Variants in ZFAT observed in about 807,000 individuals in gnomAD.
ZFAT encodes zinc finger protein ZFAT.
ZFAT carries 64 observed loss-of-function variants against 117.7 expected under a neutral mutation model. That is an observed-to-expected ratio of 0.54 (90% CI 0.44 to 0.67). The LOEUF (loss-of-function observed/expected upper bound fraction) is 0.67, where lower values mean the gene tolerates loss of function less well. ZFAT is among the 30% of genes least tolerant of loss of function. The probability of loss-of-function intolerance (pLI) is 0.00; values close to 1 mark genes in which losing one functional copy is unlikely to be tolerated. For missense variants in ZFAT, 1,433 were observed against 1,584.5 expected, an observed-to-expected ratio of 0.90 and a Z score of 1.62; for synonymous variants, 679 against 615.0, an observed-to-expected ratio of 1.10 and a Z score of -1.54.
chr8:134,634,604 C>A (rs912575911), intron 3 of ZFAT, among the ~76,000 whole-genome samples: 1 of 151,952 alleles, frequency 6.6e-6, no homozygotes, highest in African/African-American at 2.4e-5. Flanking sequence ...CACACACACA[C>A]ATTTAGGAAT....
chr8:134,563,692 A>G (rs1299398223), intron 11 of ZFAT, among the ~76,000 whole-genome samples: 1 of 152,230 alleles, frequency 6.6e-6, no homozygotes. Context: ...GACGGAAGAT[A>G]ATATGTACCA....
At position 134,595,589 on chromosome 8, in the gene ZFAT, G is replaced by C. The variant is rs535416433; in HGVS notation, c.2475+4847C>G. On this transcript the variant is annotated intron_variant, in intron 7 of 15. Coordinates refer to ENST00000377838, the MANE Select transcript of ZFAT (RefSeq NM_020863.4). Reference sequence around the variant, plus strand: ...TCATCCTACTAAAATCGTCTCAAGTGCCCCCTTTATAAAGTTTGCACAATG... The same window carrying C: ...TCATCCTACTAAAATCGTCTCAAGTCCCCCCTTTATAAAGTTTGCACAATG... Among the ~76,000 whole-genome samples, 5 of 152,262 alleles carry C rather than the reference G, an allele frequency of 3.3e-5. No homozygotes were observed. The East Asian group carries it at 9.6e-4, about 29-fold the overall frequency.
chr8:134,514,403 T>C (rs16905164), intron 13 of ZFAT, among the ~76,000 whole-genome samples: 1,895 of 152,322 alleles, frequency 0.012, 35 homozygotes, highest in African/African-American at 0.043. Context: ...TATGTACTAA[T>C]ACTTGAAACA....
the ZFAT span, chr8:134,764,692 AT>A: frequency 1.3e-5 from 2 of 152,162 alleles, no homozygotes; most frequent in Non-Finnish European, 2.9e-5. Context: ...GAATAAGTCT[AT>A]TGTTTTGTAT....
the ZFAT span, chr8:134,785,123 T>C: frequency 6.6e-6 from 1 of 152,230 alleles, no homozygotes; most frequent in African/African-American, 2.4e-5. Context: ...GGATGTGAAA[T>C]GGTATCTAAC....
At chr8:134,707,963 A>G (rs1813848813) in intron 1 of ZFAT, among the ~76,000 whole-genome samples, 1 of 152,258 alleles carries the variant, frequency 6.6e-6, no homozygotes, top group Non-Finnish European at 1.5e-5. Context: ...CAACACATGA[A>G]TGATTTTTTT....
chr8:134,494,457 T>C (rs912495054), intron 15 of ZFAT, among the ~76,000 whole-genome samples: 1 of 152,182 alleles, frequency 6.6e-6, no homozygotes, highest in African/African-American at 2.4e-5. Flanking sequence ...CGGTGCCTGC[T>C]GGGGAAGCGC....
In ZFAT at chr8:134,497,076, G is replaced by A. The variant is rs985741728; in HGVS notation, c.3492+12543C>T. On this transcript the variant is annotated intron_variant, in intron 15 of 15. Coordinates refer to ENST00000377838, the MANE Select transcript of ZFAT (RefSeq NM_020863.4). ...ATCTTGCGCCTCCCACAGTCAGCACGGGCGGGGTAGGTCTTCTTGAAACAT... is the reference window on the plus strand; with the variant it reads ...ATCTTGCGCCTCCCACAGTCAGCACAGGCGGGGTAGGTCTTCTTGAAACAT... Among the ~76,000 whole-genome samples the A allele has an allele frequency of 3.3e-5, 5 of 152,228 alleles. No homozygotes were observed. The East Asian group carries it at 5.8e-4, about 18-fold the overall frequency.
the ZFAT span, among the ~76,000 whole-genome samples, chr8:134,808,604 C>T: frequency 1.3e-5 from 2 of 152,062 alleles, no homozygotes; most frequent in Non-Finnish European, 2.9e-5. Context: ...TCTACTTTGC[C>T]GAATTCTGAA....
chr8:134,821,866 G>A, the ZFAT span, among the ~76,000 whole-genome samples: 1 of 152,182 alleles, frequency 6.6e-6, no homozygotes, highest in African/African-American at 2.4e-5. Flanking sequence ...ATATGAAAAG[G>A]CCCAAACAGC....
chr8:134,650,421 C>T (rs571539068), intron 2 of ZFAT, among the ~76,000 whole-genome samples: 13 of 152,152 alleles, frequency 8.5e-5, no homozygotes, highest in African/African-American at 2.9e-4. Context: ...CCACTGCGCC[C>T]GGCCTAAACC....
intron 7 of ZFAT, 138 bp from the exon 8 acceptor site, chr8:134,590,493 A>G (rs1826386418): frequency 1.6e-6 from 1 of 631,810 alleles, no homozygotes; most frequent in South Asian, 1.9e-5. Context: ...CACCACCACC[A>G]CCATCACATC....
chr8:134,792,621 T>C, the ZFAT span: 1 of 152,204 alleles, frequency 6.6e-6, no homozygotes, highest in Admixed American at 6.5e-5. Context: ...CTCCAAGACA[T>C]ATTTGAGTGT....
the ZFAT span, chr8:134,792,777 A>G: frequency 6.6e-6 from 1 of 152,252 alleles, no homozygotes. Context: ...TAGCAGGGCT[A>G]TAATATAAAC....
intron 1 of ZFAT, among the ~76,000 whole-genome samples, chr8:134,693,285 T>A (rs1833672519): frequency 6.6e-6 from 1 of 152,044 alleles, no homozygotes; most frequent in African/African-American, 2.4e-5. Flanking sequence ...AGTAAGGAAG[T>A]CCTCACAAAA....
intron 1 of ZFAT, among the ~76,000 whole-genome samples, chr8:134,679,601 G>A (rs560980894): frequency 4.6e-5 from 7 of 152,152 alleles, no homozygotes; most frequent in African/African-American, 1.7e-4. Flanking sequence ...ATATCCAAAG[G>A]ATTATAAAAC....
At chr8:134,738,629 TG>T in the ZFAT span, among the ~76,000 whole-genome samples, 1 of 152,010 alleles carries the variant, frequency 6.6e-6, no homozygotes, top group South Asian at 2.1e-4. Context: ...GGAGGTGGGA[TG>T]GCTCCAGGTA....
At chr8:134,613,309 C>G (rs528191218) in intron 3 of ZFAT, among the ~76,000 whole-genome samples, 210 of 152,314 alleles carry the variant, frequency 1.4e-3, no homozygotes, top group Non-Finnish European at 2.4e-3. Flanking sequence ...TAATAAGAAG[C>G]AGCTGAAGAG....
Position 134,532,918 on chromosome 8 carries a change from G to A in ZFAT, c.3031C>T (p.Arg1011Trp), listed in dbSNP as rs756793066. Residue 1011 changes from arginine (R) to tryptophan (W), a missense_variant, in exon 12 of 16, where the codon CGG becomes TGG. Arg to Trp is a moderately radical substitution (Grantham distance 101). Coordinates refer to ENST00000377838, the MANE Select transcript of ZFAT (RefSeq NM_020863.4). The stretch of plus-strand genomic sequence containing the variant: ...TTAGGGTGCTTCCTGTTGTAGTGCC[G>A]CTTCAGAGAGCCAGATATGTTGCAG... The part of the protein sequence containing the change: ...YSCNISGSLK[R>W]HYNRKHPNEE... 11 of 1,608,780 alleles carry A rather than the reference G, an allele frequency of 6.8e-6. No homozygotes were observed. The highest frequency in any genetic ancestry group is 1.7e-4 in the Middle Eastern group (1 of 6,052).
Sources: gnomAD v4.1 joint callset for allele counts (sites outside exome capture counted in the v4.1 genomes callset) on GRCh38, gnomAD v4.1.1 for gene constraint, MANE v1.5 for transcripts, NCBI Gene and HGNC (gene_info 2026-07-23, HGNC 2026-07-21) for gene names.